The following TTC17 variants were observed in gnomAD, a reference collection of about 807,000 sequenced individuals.
TTC17 encodes tetratricopeptide repeat domain 17, also known as tetratricopeptide repeat protein 17.
A neutral mutation model predicts 143.8 loss-of-function variants in TTC17; 58 were observed. The ratio of observed to expected loss-of-function variants is 0.40; its 90% CI spans 0.33 to 0.50. TTC17 has a LOEUF of 0.50. Among genes scored for constraint, TTC17 ranks in the 20% least tolerant of loss-of-function variants. TTC17 has a pLI of 0.49. For synonymous variants in TTC17, 501 were observed against 497.8 expected, an observed-to-expected ratio of 1.01 and a Z score of -0.09; for missense variants, 1,273 against 1,392.5, an observed-to-expected ratio of 0.91 and a Z score of 1.37.
chr11:43,391,952 G>A lies in TTC17; in HGVS notation c.663G>A (p.Lys221=). 2.5e-6 allele frequency: 4 copies of A among 1,603,892 alleles called. No homozygotes were observed. Among genetic ancestry groups the A allele is most frequent in the Non-Finnish European group, 2.5e-6 (3 of 1,177,152 alleles). The change falls in exon 5 of 24, where the codon AAG becomes AAA. Residue 221 remains lysine (K), a splice_region_variant and synonymous_variant. Transcript: ENST00000039989. ...IGHLIHEGLQ[K]NTSSWVLYNM... ...ACCTCATTCATGAAGGCCTACAGAA[G>A]GTAAGTCATCAGTCACTTAAAGAGC...
Position 43,490,359 on chromosome 11 carries a change from G to A in TTC17, c.3150+1G>A, listed in dbSNP as rs779944327. The stretch of plus-strand genomic sequence containing the variant: ...GCACTATGCGCCACACCAGATGAAG[G>A]TGAGTGGGACTCAGAAGGTGGGAAC... On this transcript the variant is annotated splice_donor_variant, in intron 22 of 23. Coordinates refer to ENST00000039989, the MANE Select transcript of TTC17 (RefSeq NM_018259.6). LOFTEE classifies it high-confidence loss of function. The A allele has an allele frequency of 5.6e-6, 9 of 1,597,554 alleles. No individual in the cohort carries two copies. In the South Asian group the frequency reaches 1.0e-4, roughly 18 times the overall value.
chr11:43,454,209 T>C (rs773855553), intron 21 of TTC17, among the ~76,000 whole-genome samples: 1 of 152,152 alleles, frequency 6.6e-6, no homozygotes, highest in Non-Finnish European at 1.5e-5. Context: ...AATTAAATGC[T>C]GGTGGAGAGG....
At chr11:43,473,997 G>A (rs1284895863) in intron 21 of TTC17, among the ~76,000 whole-genome samples, 1 of 152,018 alleles carries the variant, frequency 6.6e-6, no homozygotes, top group African/African-American at 2.4e-5. Context: ...TCTACTTTTA[G>A]TAACTATTCC....
In TTC17 at chr11:43,448,041, C is replaced by A. The variant is rs1211439575; in HGVS notation, c.2705C>A (p.Pro902Gln). Residue 902 changes from proline (P) to glutamine (Q), a missense_variant, in exon 19 of 24, where the codon CCG (proline) becomes CAG (glutamine). Pro to Gln is a moderately conservative substitution (Grantham distance 76). Around this residue, in one of 3 missense-constraint regions of TTC17, gnomAD observed 878 missense variants for 899.8 expected, o/e 0.98. Coordinates refer to ENST00000039989, the MANE Select transcript of TTC17 (RefSeq NM_018259.6). ...TACCAGCGTCTGGGATGGCCCAGCC[C>A]GGACGAATGCCTCAAACTCCGCTGG... is the stretch of plus-strand genomic sequence containing the variant. ...RDYQRLGWPS[P>Q]DECLKLRWVE... is the part of the protein sequence containing the mutation. 1 of 1,614,060 alleles carries A rather than the reference C, an allele frequency of 6.2e-7. No homozygotes were observed. Among genetic ancestry groups the A allele is most frequent in the South Asian group, 1.1e-5 (1 of 91,076 alleles).
At chr11:43,486,098 A>C (rs1171811632) in intron 21 of TTC17, among the ~76,000 whole-genome samples, 1 of 152,096 alleles carries the variant, frequency 6.6e-6, no homozygotes, top group Non-Finnish European at 1.5e-5. Flanking sequence ...TGAATCTTAG[A>C]AATATAATGT....
chr11:43,417,134 C>CCATT (rs1192414716), intron 16 of TTC17, among the ~76,000 whole-genome samples: 5 of 151,720 alleles, frequency 3.3e-5, no homozygotes, highest in Admixed American at 3.3e-4. Flanking sequence ...CAGAGTAATC[C>CCATT]CATTCATTCA....
At position 43,379,336 on chromosome 11, in the gene TTC17, G is replaced by A. The variant is rs750063933; in HGVS notation, c.249+14G>A. ...AAAGAATTAGAGGTGAGGCAACTGG[G>A]CATGTGAGATGCAGCTGATGCTTGT... On this transcript the variant is annotated intron_variant, in intron 2 of 23. Transcript: ENST00000039989. The A allele has an allele frequency of 5.0e-6, 8 of 1,603,982 alleles. No homozygotes were observed. The Admixed American group carries it at 6.8e-5, about 14-fold the overall frequency.
intron 18 of TTC17, 68 bp downstream of exon 18, chr11:43,444,277 T>A (rs1947490172): frequency 2.7e-6 from 4 of 1,489,130 alleles, no homozygotes; most frequent in South Asian, 1.4e-5. Context: ...TCACAAAGGT[T>A]GTATTTGTAA....
chr11:43,458,310 C>T (rs1366018978), intron 21 of TTC17, among the ~76,000 whole-genome samples: 2 of 152,186 alleles, frequency 1.3e-5, no homozygotes, highest in Non-Finnish European at 2.9e-5. Context: ...CATGTGATCC[C>T]TCCAAGTCCA....
chr11:43,402,876 T>A (rs1345351510), intron 10 of TTC17, among the ~76,000 whole-genome samples: 2 of 152,134 alleles, frequency 1.3e-5, no homozygotes, highest in Non-Finnish European at 2.9e-5. Flanking sequence ...ACTAAGAGAT[T>A]AGGAGAGCAT....
chr11:43,362,486 G>C (rs1418417669), intron 1 of TTC17, among the ~76,000 whole-genome samples: 4 of 152,164 alleles, frequency 2.6e-5, no homozygotes, highest in Non-Finnish European at 4.4e-5. Context: ...CCTTTGGTGG[G>C]TTGAAAAGGG....
At chr11:43,451,387 G>A in intron 21 of TTC17, 122 bp downstream of exon 21, 1 of 824,382 alleles carries the variant, frequency 1.2e-6, no homozygotes, top group Non-Finnish European at 2.0e-6. Flanking sequence ...TGGCTAAAAG[G>A]ATAATGTGAA....
At chr11:43,439,592 C>T (rs1204370423) in intron 16 of TTC17, among the ~76,000 whole-genome samples, 6 of 151,778 alleles carry the variant, frequency 4.0e-5, no homozygotes, top group South Asian at 2.1e-4. Context: ...CTCAGCCTCC[C>T]GAGGTGGCTG....
intron 16 of TTC17, among the ~76,000 whole-genome samples, chr11:43,441,121 A>AT (rs1947408850): frequency 6.6e-6 from 1 of 151,486 alleles, no homozygotes; most frequent in Non-Finnish European, 1.5e-5. Context: ...ATACAAAAAA[A>AT]GTAGCCAGGT....
intron 21 of TTC17, among the ~76,000 whole-genome samples, chr11:43,487,115 T>C (rs1168569831): frequency 6.6e-6 from 1 of 152,202 alleles, no homozygotes; most frequent in East Asian, 1.9e-4. Flanking sequence ...TGTCAGATAT[T>C]AGCATTAAAG....
chr11:43,491,807 A>T, intron 22 of TTC17: 1 of 606,310 alleles, frequency 1.6e-6, no homozygotes, highest in Non-Finnish European at 2.9e-6. Flanking sequence ...TTTCGAAGCA[A>T]GACTTCGCCA....
In TTC17 at chr11:43,391,943, C is replaced by T. The variant is rs1442891515; in HGVS notation, c.654C>T (p.Gly218=). 5 of 1,607,120 alleles carry T rather than the reference C, an allele frequency of 3.1e-6. No individual in the cohort carries two copies. The African/African-American group carries it at 6.7e-5, about 22-fold the overall frequency. Residue 218 remains glycine, a synonymous_variant, in exon 5 of 24, where the codon GGC becomes GGT. Coordinates refer to ENST00000039989, the MANE Select transcript of TTC17 (RefSeq NM_018259.6). ...ACATAGGTCACCTCATTCATGAAGGCCTACAGAAGGTAAGTCATCAGTCAC... is the reference window on the plus strand; with the variant it reads ...ACATAGGTCACCTCATTCATGAAGGTCTACAGAAGGTAAGTCATCAGTCAC... ...IDDIGHLIHE[G]LQKNTSSWVL... is the part of the protein sequence containing the mutation.
chr11:43,458,763 T>C (rs1947810166), intron 21 of TTC17, among the ~76,000 whole-genome samples: 1 of 152,210 alleles, frequency 6.6e-6, no homozygotes, highest in Non-Finnish European at 1.5e-5. Flanking sequence ...CACAGTCAAC[T>C]GAGGTTCAAA....
chr11:43,395,413 T>G (rs1209879474), intron 5 of TTC17: 1 of 152,164 alleles, frequency 6.6e-6, no homozygotes, highest in Non-Finnish European at 1.5e-5. Context: ...TGTAGAACTT[T>G]TAATTGAACT....
Sources: allele counts gnomAD v4.1 joint callset (sites outside exome capture counted in the v4.1 genomes callset), GRCh38; gene constraint gnomAD v4.1.1; regional missense constraint gnomAD v4.1.1; transcripts MANE v1.5; gene names NCBI Gene and HGNC (gene_info 2026-07-23, HGNC 2026-07-21).